The following TMEM71 variants were observed in gnomAD, a reference collection of about 807,000 sequenced individuals.
TMEM71 encodes the protein transmembrane protein 71.
TMEM71 carries 44 observed loss-of-function variants against 38.0 expected under a neutral mutation model. The observed-to-expected ratio is 1.16, with a 90% CI of 0.91 to 1.49. The LOEUF (loss-of-function observed/expected upper bound fraction) is 1.49. TMEM71 is among the 40% of genes most tolerant of loss of function. The pLI, the probability that TMEM71 is intolerant of heterozygous loss-of-function variation, is 0.00. For missense variants in TMEM71, 367 were observed against 348.6 expected (o/e 1.05, Z -0.42); for synonymous variants, 133 against 122.5 (o/e 1.09, Z -0.56).
chr8:132,714,190 T>C lies in TMEM71; in HGVS notation c.778A>G (p.Ser260Gly), dbSNP rs1421234115. Residue 260 changes from serine to glycine, a missense_variant, in exon 8 of 10, where the codon AGT (serine) becomes GGT (glycine). Physicochemically the swap from Ser to Gly is moderately conservative, Grantham distance 56. Transcript: ENST00000677595. ...ATCATCAATGAGCATGTGAAGACAC[T>C]GGCTAATATTTCTCCCATAAACCAT... ...ARWFMGEILA[S>G]VFTCSLMITV... The C allele has an allele frequency of 1.2e-6, 2 of 1,612,264 alleles. No homozygotes were observed. The highest frequency in any genetic ancestry group is 2.7e-5 in the African/African-American group (2 of 74,910).
At chr8:132,740,567 C>T (rs1391582996) in intron 5 of TMEM71, among the ~76,000 whole-genome samples, 1 of 152,220 alleles carries the variant, frequency 6.6e-6, no homozygotes, top group African/African-American at 2.4e-5. Flanking sequence ...TCAATAAAAT[C>T]TTCCAAATGA....
In TMEM71 at chr8:132,727,791, A is replaced by C; in HGVS notation, c.676+7T>G. ...GTGTGGCAAATATTTAAAACACCTG[A>C]ACTCACCTGAATGATCCGAACTATT... On this transcript the variant is annotated splice_region_variant and intron_variant, in intron 6 of 9. Transcript: ENST00000677595. The C allele has an allele frequency of 1.3e-6, 2 of 1,593,866 alleles. No homozygotes were observed. The highest frequency in any genetic ancestry group is 1.7e-6 in the Non-Finnish European group (2 of 1,170,728).
In TMEM71 at chr8:132,710,602, C is replaced by G; in HGVS notation, c.*365G>C. On this transcript the variant is annotated 3_prime_UTR_variant, in exon 10 of 10. Transcript: ENST00000677595. The stretch of plus-strand genomic sequence containing the variant: ...AGGTGCATGTGGCAGACCCAGAAAT[C>G]TGGTTACAAGCTCCTCACAGAATTT... The G allele has an allele frequency of 2.2e-6, 1 of 459,386 alleles. No individual in the cohort carries two copies. The highest frequency in any genetic ancestry group is 3.8e-6 in the Non-Finnish European group (1 of 264,110). The allele number at this position is 459,386 out of a possible 1,614,324, so 28.5% of individuals were successfully genotyped here.
the TMEM71 span, among the ~76,000 whole-genome samples, chr8:132,772,204 A>G: frequency 1.3e-5 from 2 of 152,222 alleles, no homozygotes; most frequent in African/African-American, 4.8e-5. Context: ...TACATTTGTT[A>G]AATATTCCAG....
At chr8:132,771,158 T>C in the TMEM71 span, among the ~76,000 whole-genome samples, 4 of 152,192 alleles carry the variant, frequency 2.6e-5, no homozygotes, top group Non-Finnish European at 5.9e-5. Context: ...ATTTATAAAA[T>C]CTTTACTAAT....
intron 5 of TMEM71, among the ~76,000 whole-genome samples, chr8:132,746,364 CACATATATAT>C (rs1376259541): frequency 1.1e-4 from 2 of 18,620 alleles, no homozygotes; most frequent in African/African-American, 1.0e-4. Flanking sequence ...AATATACACA[CACATATATAT>C]ACATATATAT....
intron 5 of TMEM71, among the ~76,000 whole-genome samples, chr8:132,730,858 T>G (rs1827416254): frequency 6.6e-6 from 1 of 152,032 alleles, no homozygotes; most frequent in South Asian, 2.1e-4. Context: ...CAAAAGAAGT[T>G]GAAATCTAGG....
At chr8:132,757,373 G>T in intron 2 of TMEM71, 79 bp from the exon 3 acceptor site, 2 of 1,094,206 alleles carry the variant, frequency 1.8e-6, no homozygotes, top group Non-Finnish European at 2.8e-6. Flanking sequence ...GTATCAATAT[G>T]TATAATTGCA....
intron 5 of TMEM71, among the ~76,000 whole-genome samples, chr8:132,746,478 T>TATATATATAC (rs1157757090): frequency 7.0e-5 from 1 of 14,366 alleles, no homozygotes; most frequent in African/African-American, 2.5e-4. Flanking sequence ...TATATATACA[T>TATATATATAC]ATATATATAC....
intron 4 of TMEM71, among the ~76,000 whole-genome samples, chr8:132,750,332 T>C (rs1374789575): frequency 6.6e-6 from 1 of 152,170 alleles, no homozygotes; most frequent in Non-Finnish European, 1.5e-5. Context: ...GTAGAGTGCA[T>C]TTCCCTGACC....
At chr8:132,775,382 C>T in the TMEM71 span, 1 of 368,692 alleles carries the variant, frequency 2.7e-6, no homozygotes, top group Non-Finnish European at 4.8e-6. Flanking sequence ...GGCCCGGCGT[C>T]GCGTCAGGGC....
intron 3 of TMEM71, among the ~76,000 whole-genome samples, chr8:132,754,528 T>C (rs1828900594): frequency 6.6e-6 from 1 of 152,324 alleles, no homozygotes; most frequent in Non-Finnish European, 1.5e-5. Flanking sequence ...TTGTTGTTTT[T>C]AACAAATGTG....
the TMEM71 span, chr8:132,775,488 G>T: frequency 1.3e-5 from 5 of 377,122 alleles, no homozygotes; most frequent in African/African-American, 2.1e-5. Context: ...GAAACCTTGG[G>T]CGGATCCGGC....
intron 6 of TMEM71, 36 bp downstream of exon 6, chr8:132,727,762 T>C (rs778652272): frequency 6.6e-7 from 1 of 1,522,968 alleles, no homozygotes. Context: ...GAAGAATTCT[T>C]TGGGTGTGGC....
At chr8:132,728,433 A>T (rs572004004) in intron 5 of TMEM71, among the ~76,000 whole-genome samples, 1 of 152,174 alleles carries the variant, frequency 6.6e-6, no homozygotes, top group African/African-American at 2.4e-5. Context: ...AGAAAGACCC[A>T]TCACCATGAT....
intron 6 of TMEM71, among the ~76,000 whole-genome samples, chr8:132,726,857 T>C (rs913846105): frequency 1.8e-4 from 27 of 151,204 alleles, no homozygotes; most frequent in African/African-American, 5.8e-4. Flanking sequence ...TCTTCTTCTT[T>C]TTTTTTTTTT....
chr8:132,746,913 T>C, intron 5 of TMEM71, 29 bp downstream of exon 5: 1 of 1,530,344 alleles, frequency 6.5e-7, no homozygotes, highest in Non-Finnish European at 8.8e-7. Flanking sequence ...AGATAAAATT[T>C]TACTATGGAA....
the TMEM71 span, among the ~76,000 whole-genome samples, chr8:132,767,708 C>A: frequency 6.6e-6 from 1 of 152,082 alleles, no homozygotes; most frequent in African/African-American, 2.4e-5. Context: ...ATCTCCTGAC[C>A]TCATGATCTG....
chr8:132,768,383 C>T, the TMEM71 span, among the ~76,000 whole-genome samples: 3 of 152,100 alleles, frequency 2.0e-5, no homozygotes, highest in Admixed American at 1.3e-4. Context: ...CGGTGGCTTA[C>T]GTCTGTAATC....
Sources: allele counts gnomAD v4.1 joint callset (sites outside exome capture counted in the v4.1 genomes callset), GRCh38; gene constraint gnomAD v4.1.1; transcripts MANE v1.5; gene names NCBI Gene and HGNC (gene_info 2026-07-23, HGNC 2026-07-21).